Variants in KATNIP observed in about 807,000 individuals in gnomAD.
The protein encoded by KATNIP is katanin-interacting protein.
In KATNIP, 126 loss-of-function variants were observed where a neutral mutation model predicts 174.0. The observed-to-expected ratio is 0.72, with a 90% confidence interval of 0.63 to 0.84. The LOEUF (loss-of-function observed/expected upper bound fraction) is 0.84. Among genes scored for constraint, KATNIP ranks in the 40% least tolerant of loss-of-function variants. The pLI is 0.00. For synonymous variants in KATNIP, 810 were observed against 835.7 expected, an observed-to-expected ratio of 0.97 and a Z score of 0.53; for missense variants, 1,958 against 2,109.7, an observed-to-expected ratio of 0.93 and a Z score of 1.41.
intron 4 of KATNIP, among the ~76,000 whole-genome samples, chr16:27,629,123 G>A (rs1228050748): frequency 1.4e-5 from 2 of 146,608 alleles, no homozygotes; most frequent in Non-Finnish European, 3.0e-5. Flanking sequence ...AGCCGAAATC[G>A]CACCACTGCA....
intron 5 of KATNIP, among the ~76,000 whole-genome samples, chr16:27,639,466 G>A (rs2076732938): frequency 6.6e-6 from 1 of 152,206 alleles, no homozygotes; most frequent in South Asian, 2.1e-4. Context: ...CAACAGAGCC[G>A]TCGTTTACCA....
intron 18 of KATNIP, chr16:27,757,602 T>G: frequency 1.3e-6 from 1 of 776,312 alleles, no homozygotes; most frequent in Non-Finnish European, 1.6e-6. Context: ...AAAGACCTTT[T>G]TACTGCAAGG....
chr16:27,685,614 T>C (rs958106735), intron 8 of KATNIP, among the ~76,000 whole-genome samples: 5 of 152,232 alleles, frequency 3.3e-5, no homozygotes, highest in Non-Finnish European at 7.3e-5. Flanking sequence ...TGGTATTTAG[T>C]TCTTAGGGTA....
rs563065275 is a variant in KATNIP, at chr16:27,778,870, A to G, written c.*241A>G. On this transcript the variant is annotated 3_prime_UTR_variant, in exon 28 of 28. Coordinates refer to ENST00000261588, the MANE Select transcript of KATNIP (RefSeq NM_015202.5). ...CTGGGTTGGCCACAGGGAGCCCAGG[A>G]CACCCGCCTTCATGCCTCTGCTGTG... The G allele has an allele frequency of 2.8e-4, 127 of 461,212 alleles. No homozygotes were observed. The highest frequency in any genetic ancestry group is 2.4e-3 in the African/African-American group (118 of 49,922). 28.6% of individuals were successfully genotyped at this position (461,212 alleles called of 1,614,324 possible).
chr16:27,613,839 C>T lies in KATNIP; in HGVS notation c.64-4586C>T, dbSNP rs115470413. Among the ~76,000 whole-genome samples the T allele has an allele frequency of 2.8e-3, 429 of 152,324 alleles. 4 individuals carry two copies. Among genetic ancestry groups the T allele is most frequent in the African/African-American group, 1.0e-2 (414 of 41,570 alleles). On this transcript the variant is annotated intron_variant, in intron 2 of 27. Coordinates refer to ENST00000261588, the MANE Select transcript of KATNIP (RefSeq NM_015202.5). ...TTCTTGCACTCAGGATGAGGCAGGACTCAGGCCCAGGGGAGGACAGAGTAG... is the reference window on the plus strand; with the variant it reads ...TTCTTGCACTCAGGATGAGGCAGGATTCAGGCCCAGGGGAGGACAGAGTAG...
At chr16:27,589,176 G>A (rs1203668315) in intron 2 of KATNIP, among the ~76,000 whole-genome samples, 1 of 151,956 alleles carries the variant, frequency 6.6e-6, no homozygotes, top group Non-Finnish European at 1.5e-5. Flanking sequence ...AAGGTGCTGG[G>A]ATTACAGGCA....
At chr16:27,698,526 CG>C (rs2078994208) in intron 9 of KATNIP, 26 bp downstream of exon 9, 3 of 1,585,380 alleles carry the variant, frequency 1.9e-6, no homozygotes, top group Non-Finnish European at 1.7e-6. Context: ...GGAGAGGAAC[CG>C]GGGGATGCTC....
chr16:27,582,611 G>A (rs1048817648), intron 2 of KATNIP, among the ~76,000 whole-genome samples: 16 of 152,276 alleles, frequency 1.1e-4, no homozygotes, highest in African/African-American at 3.9e-4. Flanking sequence ...TGCAGCAGAG[G>A]AATTGAGCTT....
intron 13 of KATNIP, 64 bp downstream of exon 13, chr16:27,708,984 G>C: frequency 7.4e-7 from 1 of 1,357,528 alleles, no homozygotes; most frequent in Non-Finnish European, 1.0e-6. Context: ...CTCTGCCCTT[G>C]GTAAATCTGT....
rs201021731 is a variant in KATNIP at position 27,766,491 on chromosome 16, T to C, written c.3975+17T>C. The C allele has an allele frequency of 2.0e-4, 329 of 1,607,030 alleles. 2 individuals are homozygous for C. The African/African-American group carries it at 4.2e-3, about 21-fold the overall frequency. ...TATCGCGGGGTAAGCTGGGGAGCAG[T>C]GGCCGTGCTCAGTCCAGCATCAGGG... On this transcript the variant is annotated intron_variant, in intron 20 of 27. Transcript: ENST00000261588.
Position 27,740,138 on chromosome 16 carries a change from AC to A in KATNIP, c.1843del (p.His615ThrfsTer15). The A allele has an allele frequency of 6.2e-7, 1 of 1,614,172 alleles. No individual in the cohort carries two copies. On this transcript the variant is annotated frameshift_variant, in exon 15 of 28. Transcript: ENST00000261588. LOFTEE classifies it high-confidence loss of function. The stretch of plus-strand genomic sequence containing the variant: ...AAAGGAGATAGGGAGGCCCCAGCTG[AC>A]CACAGCATCCTGGTTGACCAGAAGA... ...LDKGDREAPA[D>X]HSILVDQKNE...
rs768539360 is a variant in KATNIP, at chr16:27,777,628, C to CT, written c.4572dup (p.Val1525CysfsTer21). The CT allele has an allele frequency of 1.9e-6, 3 of 1,612,054 alleles. No homozygotes were observed. Among genetic ancestry groups the CT allele is most frequent in the Non-Finnish European group, 2.5e-6 (3 of 1,179,000 alleles). ...CCTGCAGCTCCTGGTGGACGACCTGCTTGTGTACAATGGGATCCTGGCCAT... is the reference window on the plus strand; with the variant it reads ...CCTGCAGCTCCTGGTGGACGACCTGCTTTGTGTACAATGGGATCCTGGCCAT... On this transcript the variant is annotated frameshift_variant, in exon 26 of 28. Coordinates refer to ENST00000261588, the MANE Select transcript of KATNIP (RefSeq NM_015202.5). LOFTEE classifies it high-confidence loss of function. This position sits in a 1 kb window ranked among gnomAD's most constrained non-coding sequence, Gnocchi z 4.4.
chr16:27,658,040 T>G (rs2077355278), intron 6 of KATNIP, among the ~76,000 whole-genome samples: 1 of 152,240 alleles, frequency 6.6e-6, no homozygotes, highest in East Asian at 1.9e-4. Context: ...GGCTCTCTCT[T>G]TATTTTTCCT....
rs1034913023 is a variant in KATNIP at position 27,717,777 on chromosome 16, C to T, written c.1606-3781C>T. Among the ~76,000 whole-genome samples, 5 of 152,112 alleles carry T rather than the reference C, an allele frequency of 3.3e-5. No individual in the cohort carries two copies. In the South Asian group the frequency reaches 6.2e-4, roughly 19 times the overall value. ...GATTCTTTTTGTGGCCTCCAGGGCC[C>T]GCTTTACCTTCCATACAGAGAGAAA... On this transcript the variant is annotated intron_variant, in intron 13 of 27. Transcript: ENST00000261588.
At chr16:27,662,815 TTGTATC>T (rs2077567039) in intron 6 of KATNIP, among the ~76,000 whole-genome samples, 1 of 152,224 alleles carries the variant, frequency 6.6e-6, no homozygotes. Flanking sequence ...TTACATTATT[TTGTATC>T]ATTTTATCTA....
intron 14 of KATNIP, among the ~76,000 whole-genome samples, chr16:27,733,564 GACACACACACACACACACAC>G (rs10558929): frequency 2.1e-5 from 3 of 143,382 alleles, no homozygotes. Flanking sequence ...AAACAAGAAG[GACACACACACACACACACAC>G]ACACACACAC....
chr16:27,629,823 G>A (rs1293132413), intron 4 of KATNIP, among the ~76,000 whole-genome samples: 1 of 152,136 alleles, frequency 6.6e-6, no homozygotes, highest in African/African-American at 2.4e-5. Context: ...AGGCCAGCCT[G>A]GGCAACATAG....
chr16:27,571,103 G>T (rs2090274857), intron 1 of KATNIP, among the ~76,000 whole-genome samples: 1 of 152,156 alleles, frequency 6.6e-6, no homozygotes, highest in Non-Finnish European at 1.5e-5. Context: ...TGCGATCTCG[G>T]CTCACTGCAA....
chr16:27,625,385 G>T (rs1244368331), intron 3 of KATNIP, among the ~76,000 whole-genome samples: 3 of 152,324 alleles, frequency 2.0e-5, no homozygotes, highest in African/African-American at 7.2e-5. Context: ...GTCTGCCTGG[G>T]TGATCAGATT....
Sources: gnomAD v4.1 joint callset for allele counts (sites outside exome capture counted in the v4.1 genomes callset) on GRCh38, gnomAD v4.1.1 for gene constraint, Gnocchi (gnomAD v3.1) non-coding constraint, MANE v1.5 for transcripts, NCBI Gene and HGNC (gene_info 2026-07-23, HGNC 2026-07-21) for gene names.